The following KIF1B variants were observed in gnomAD, a reference collection of about 807,000 sequenced individuals.
KIF1B encodes kinesin family member 1B.
A neutral mutation model predicts 241.9 loss-of-function variants in KIF1B; 76 were observed. The ratio of observed to expected loss-of-function variants is 0.31; its 90% CI spans 0.26 to 0.38. The LOEUF (loss-of-function observed/expected upper bound fraction) is 0.38, where lower values mean the gene tolerates loss of function less well. Ranked by LOEUF, KIF1B falls within the 10% of genes least tolerant of loss-of-function variation. KIF1B has a pLI of 1.00. For synonymous variants in KIF1B, 750 were observed against 796.7 expected (o/e 0.94, Z 0.99); for missense variants, 1,622 against 2,271.4 (o/e 0.71, Z 5.81).
intron 34 of KIF1B, among the ~76,000 whole-genome samples, chr1:10,343,793 A>G (rs1652488007): frequency 6.6e-6 from 1 of 152,118 alleles, no homozygotes; most frequent in African/African-American, 2.4e-5. Context: ...TAAAGTAATA[A>G]AATAAGACAA....
intron 5 of KIF1B, among the ~76,000 whole-genome samples, chr1:10,265,816 C>T (rs997378252): frequency 3.9e-5 from 6 of 152,012 alleles, no homozygotes; most frequent in African/African-American, 1.5e-4. Flanking sequence ...AGCCACTGCA[C>T]TCCAGCCTGG....
intron 1 of KIF1B, among the ~76,000 whole-genome samples, chr1:10,215,286 C>T (rs1646754130): frequency 6.7e-6 from 1 of 148,562 alleles, no homozygotes; most frequent in Non-Finnish European, 1.5e-5. Flanking sequence ...AAGCGGTTCT[C>T]CTGCCTCAGC....
chr1:10,268,388 G>T, intron 7 of KIF1B, 125 bp downstream of exon 7: 1 of 717,608 alleles, frequency 1.4e-6, no homozygotes, highest in Non-Finnish European at 2.5e-6. Flanking sequence ...TTAATGGAGG[G>T]TGTTTTATAC....
Position 10,267,532 on chromosome 1 carries a change from C to A in KIF1B, c.582C>A (p.Asp194Glu), listed in dbSNP as rs1342634460. 1 of 1,614,124 alleles carries A rather than the reference C, an allele frequency of 6.2e-7. No individual in the cohort carries two copies. Among genetic ancestry groups the A allele is most frequent in the South Asian group, 1.1e-5 (1 of 91,086 alleles). Residue 194 changes from aspartate to glutamate, a missense_variant, in exon 6 of 49, where the codon GAC (aspartate) becomes GAA (glutamate). Asp to Glu is a conservative substitution (Grantham distance 45). Around this residue, in one of 7 missense-constraint regions of KIF1B, gnomAD observed 156 missense variants for 244.8 expected, o/e 0.64. Coordinates refer to ENST00000676179, the MANE Select transcript of KIF1B (RefSeq NM_001365951.3). Reference protein sequence around the residue: ...LAVTSYTDIADLMDAGNKART... With the variant: ...LAVTSYTDIAELMDAGNKART... ...TTACTTCCTACACAGACATTGCTGACCTCATGGATGCTGGGAACAAAGCCA... is the reference window on the plus strand; with the variant it reads ...TTACTTCCTACACAGACATTGCTGAACTCATGGATGCTGGGAACAAAGCCA...
chr1:10,302,470 A>G (rs894334535), intron 22 of KIF1B, among the ~76,000 whole-genome samples: 2 of 152,234 alleles, frequency 1.3e-5, no homozygotes, highest in African/African-American at 4.8e-5. Flanking sequence ...CTAAGAACTG[A>G]CATGGTCTGC....
intron 2 of KIF1B, among the ~76,000 whole-genome samples, chr1:10,240,608 A>G (rs1300211198): frequency 6.6e-6 from 1 of 152,062 alleles, no homozygotes; most frequent in African/African-American, 2.4e-5. Flanking sequence ...AGAAGATGTT[A>G]TGGAAATTAC....
chr1:10,227,378 T>C (rs991693507), intron 1 of KIF1B, among the ~76,000 whole-genome samples: 3 of 152,226 alleles, frequency 2.0e-5, no homozygotes, highest in African/African-American at 7.2e-5. Flanking sequence ...TTATGCTATT[T>C]GTTTGAAGAA....
intron 22 of KIF1B, chr1:10,304,891 C>A (rs1650751956): frequency 7.3e-7 from 1 of 1,362,664 alleles, no homozygotes; most frequent in Non-Finnish European, 9.4e-7. Context: ...CTGAAACGTT[C>A]CTCCTTTTTT....
At position 10,368,456 on chromosome 1, in the gene KIF1B, C is replaced by T. The variant is rs905544867; in HGVS notation, c.4753-11C>T. 3 of 1,611,586 alleles carry T rather than the reference C, an allele frequency of 1.9e-6. No individual in the cohort carries two copies. The South Asian group carries it at 3.3e-5, about 18-fold the overall frequency. Reference sequence around the variant, plus strand: ...TTATGTTCAGCTTGCACTTCTCTTTCTCTTCTTTAGTGCCTGCAACTTCTC... The same window carrying T: ...TTATGTTCAGCTTGCACTTCTCTTTTTCTTCTTTAGTGCCTGCAACTTCTC... On this transcript the variant is annotated splice_polypyrimidine_tract_variant and intron_variant, in intron 43 of 48. Transcript: ENST00000676179.
Position 10,352,711 on chromosome 1 carries a change from C to A in KIF1B, c.4030C>A (p.Leu1344Met). Residue 1344 changes from leucine (L) to methionine (M), a missense_variant, in exon 38 of 49, where the codon CTG (leucine) becomes ATG (methionine). By Grantham distance (15) the Leu-to-Met change is conservative. Coordinates refer to ENST00000676179, the MANE Select transcript of KIF1B (RefSeq NM_001365951.3). ...LSLNIISAKY[L>M]KSSHNSSRTF... ...CCTAAATATTATTTCTGCCAAGTACCTGAAGTCTTCCCACAACTCTAGCAG... is the reference window on the plus strand; with the variant it reads ...CCTAAATATTATTTCTGCCAAGTACATGAAGTCTTCCCACAACTCTAGCAG... 5.0e-6 allele frequency: 8 copies of A among 1,613,890 alleles called. No individual in the cohort carries two copies. The highest frequency in any genetic ancestry group is 6.8e-6 in the Non-Finnish European group (8 of 1,179,846).
At chr1:10,239,731 CAGAGTAGTGA>C (rs1647107902) in intron 2 of KIF1B, among the ~76,000 whole-genome samples, 1 of 151,950 alleles carries the variant, frequency 6.6e-6, no homozygotes, top group South Asian at 2.1e-4. Context: ...CCTCAGACTC[CAGAGTAGTGA>C]AGACTACAGG....
intron 27 of KIF1B, 33 bp from the exon 28 acceptor site, chr1:10,334,487 T>C: frequency 6.8e-7 from 1 of 1,477,016 alleles, no homozygotes; most frequent in East Asian, 2.3e-5. Context: ...TCCATGGATG[T>C]TCTGACATTT....
At chr1:10,354,716 C>G (rs1373445619) in intron 38 of KIF1B, among the ~76,000 whole-genome samples, 1 of 152,160 alleles carries the variant, frequency 6.6e-6, no homozygotes, top group African/African-American at 2.4e-5. Flanking sequence ...TTGATAAGCA[C>G]TCAACTCTTC....
rs1222411111 is a variant in KIF1B at position 10,380,751 on chromosome 1, G to A, written c.*4164G>A. 2 of 215,986 alleles carry A rather than the reference G, an allele frequency of 9.3e-6. No individual in the cohort carries two copies. Among genetic ancestry groups the A allele is most frequent in the East Asian group, 6.9e-5 (1 of 14,550 alleles). 13.4% of individuals were successfully genotyped at this position (215,986 alleles called of 1,614,324 possible). ...TGATGCTGCTGCTCCCAGAAGGTTT[G>A]CTGGATGTGTTTACATAGGACTCTA... On this transcript the variant is annotated 3_prime_UTR_variant, in exon 49 of 49. Coordinates refer to ENST00000676179, the MANE Select transcript of KIF1B (RefSeq NM_001365951.3).
intron 14 of KIF1B, among the ~76,000 whole-genome samples, chr1:10,280,942 T>C (rs1056129264): frequency 1.3e-5 from 2 of 152,152 alleles, no homozygotes; most frequent in Non-Finnish European, 2.9e-5. Context: ...GGCTTGCATG[T>C]GACCATTGGA....
intron 1 of KIF1B, among the ~76,000 whole-genome samples, chr1:10,229,564 A>T (rs1215785785): frequency 6.6e-6 from 1 of 152,174 alleles, no homozygotes; most frequent in Non-Finnish European, 1.5e-5. Context: ...TAAGAAAATT[A>T]GGGGCCAGAC....
Position 10,377,646 on chromosome 1 carries a change from A to C in KIF1B, c.*1059A>C. 1.0e-5 allele frequency: 2 copies of C among 200,010 alleles called. No individual in the cohort carries two copies. The highest frequency in any genetic ancestry group is 2.1e-5 in the Non-Finnish European group (2 of 96,988). 12.4% of individuals were successfully genotyped at this position (200,010 alleles called of 1,614,324 possible). A position where few individuals can be genotyped will look rare whatever the true frequency, so the allele number is the denominator to read the frequency against. On this transcript the variant is annotated 3_prime_UTR_variant, in exon 49 of 49. Transcript: ENST00000676179. ...TGATGGTCATTGTTATGATTAAGAT[A>C]ATGCCGGGCAGGCCGGGCACAGTGG...
Position 10,272,303 on chromosome 1 carries a change from G to A in KIF1B, c.861G>A (p.Glu287=). The A allele has an allele frequency of 6.3e-7, 1 of 1,599,468 alleles. No homozygotes were observed. The highest frequency in any genetic ancestry group is 8.6e-7 in the Non-Finnish European group (1 of 1,166,784). The change falls in exon 9 of 49, where the codon GAG becomes GAA. Residue 287 remains glutamate, a synonymous_variant. Coordinates refer to ENST00000676179, the MANE Select transcript of KIF1B (RefSeq NM_001365951.3). ...TLGKVISALA[E]VDNCTSKSKK... ...GCAAAGTCATTTCAGCCTTGGCCGA[G>A]GTGGTAAGTTTTATACTTCATTATA...
At chr1:10,230,797 C>G (rs1646970661) in intron 1 of KIF1B, 2 of 152,068 alleles carry the variant, frequency 1.3e-5, no homozygotes, top group Admixed American at 6.5e-5. Flanking sequence ...TGGCTTTGTT[C>G]TGTTGGGAGG....
Sources: gnomAD v4.1 joint callset for allele counts (sites outside exome capture counted in the v4.1 genomes callset) on GRCh38, gnomAD v4.1.1 for gene constraint, gnomAD v4.1.1 regional missense constraint, MANE v1.5 for transcripts, NCBI Gene and HGNC (gene_info 2026-07-23, HGNC 2026-07-21) for gene names.